The following NMNAT3 variants were observed in gnomAD, a reference collection of about 807,000 sequenced individuals.
NMNAT3 encodes nicotinamide/nicotinic acid mononucleotide adenylyltransferase 3.
A neutral mutation model predicts 24.8 loss-of-function variants in NMNAT3; 21 were observed. The observed-to-expected ratio is 0.85, with a 90% confidence interval of 0.60 to 1.22. NMNAT3 has a LOEUF of 1.22. Ranked by LOEUF, NMNAT3 falls within the 50% of genes most tolerant of loss-of-function variation. The pLI, the probability that NMNAT3 is intolerant of heterozygous loss-of-function variation, is 0.00. For missense variants in NMNAT3, 387 were observed against 436.6 expected (o/e 0.89, Z 1.01); for synonymous variants, 136 against 155.2 (o/e 0.88, Z 0.92).
At chr3:139,595,282 C>G (rs1307884961) in intron 3 of NMNAT3, among the ~76,000 whole-genome samples, 1 of 152,098 alleles carries the variant, frequency 6.6e-6, no homozygotes, top group Non-Finnish European at 1.5e-5. Context: ...TCAAGGAGAA[C>G]TACAAACCAC....
chr3:139,666,026 A>G (rs535215983), intron 1 of NMNAT3, among the ~76,000 whole-genome samples: 5 of 152,286 alleles, frequency 3.3e-5, no homozygotes, highest in African/African-American at 1.2e-4. Context: ...TTACCTATCA[A>G]AAAATTTAAT....
chr3:139,582,489 A>C (rs1426395577), intron 4 of NMNAT3, among the ~76,000 whole-genome samples: 1 of 151,692 alleles, frequency 6.6e-6, no homozygotes, highest in African/African-American at 2.4e-5. Flanking sequence ...TAAAAATACA[A>C]AATTTAGGCA....
intron 3 of NMNAT3, among the ~76,000 whole-genome samples, chr3:139,590,281 T>C (rs1252120123): frequency 1.3e-5 from 2 of 152,200 alleles, no homozygotes; most frequent in Non-Finnish European, 1.5e-5. Flanking sequence ...GGCAGTGGAA[T>C]CATAGTGCAC....
chr3:139,617,012 G>T (rs910961798), intron 3 of NMNAT3, among the ~76,000 whole-genome samples: 6 of 152,148 alleles, frequency 3.9e-5, no homozygotes, highest in African/African-American at 1.2e-4. Context: ...CTTAAGCCAA[G>T]AATGTTCTTT....
chr3:139,624,153 C>A (rs1450843243), intron 3 of NMNAT3, among the ~76,000 whole-genome samples: 1 of 152,136 alleles, frequency 6.6e-6, no homozygotes, highest in Non-Finnish European at 1.5e-5. Flanking sequence ...AAGTTGAAAT[C>A]ATTGATTTGA....
At chr3:139,566,509 G>T (rs1485832181) in intron 6 of NMNAT3, 11 of 152,148 alleles carry the variant, frequency 7.2e-5, no homozygotes, top group Non-Finnish European at 1.2e-4. Flanking sequence ...TAACATTTAA[G>T]TCTTTAATCC....
rs200297242 is a variant in NMNAT3, at chr3:139,561,359, T to C, written c.692A>G (p.Asp231Gly). 9.7e-5 allele frequency: 157 copies of C among 1,613,738 alleles called. No individual in the cohort carries two copies. The highest frequency in any genetic ancestry group is 1.2e-4 in the Non-Finnish European group (147 of 1,179,938). ...GGGGGTCTGGAAGGTCTTCAAGACG[T>C]CTGCCCCACAGAGAAGCTTCAGCTC... Residue 231 changes from aspartate (D) to glycine (G), a missense_variant, in exon 7 of 7, where the codon GAC becomes GGC. Around this residue, in one of 3 missense-constraint regions of NMNAT3, gnomAD observed 323 missense variants for 345.2 expected, o/e 0.94. Coordinates refer to ENST00000643695, the MANE Select transcript of NMNAT3 (RefSeq NM_001320510.2).
At chr3:139,561,426 A>T (rs1336784267) in intron 6 of NMNAT3, 34 bp from the exon 7 acceptor site, 4 of 1,587,878 alleles carry the variant, frequency 2.5e-6, no homozygotes, top group Non-Finnish European at 3.4e-6. Context: ...GTAAAGTTAG[A>T]GAGAGGTCAC....
chr3:139,640,132 T>A lies in NMNAT3; in HGVS notation c.-140-2070A>T, dbSNP rs565811900. On this transcript the variant is annotated intron_variant, in intron 1 of 6. Coordinates refer to ENST00000643695, the MANE Select transcript of NMNAT3 (RefSeq NM_001320510.2). ...AGGACAGGTTTTCTGAAACTGTGCA[T>A]GCATAAGGGTCCTAGGAACATGCTA... is the stretch of plus-strand genomic sequence containing the variant. 2.0e-4 allele frequency among the ~76,000 whole-genome samples: 30 copies of A among 152,296 alleles called. No individual in the cohort carries two copies. In the South Asian group the frequency reaches 3.3e-3, roughly 17 times the overall value.
At chr3:139,564,667 A>G (rs1220197740) in intron 6 of NMNAT3, among the ~76,000 whole-genome samples, 2 of 152,236 alleles carry the variant, frequency 1.3e-5, no homozygotes. Context: ...TGCCGAGCTC[A>G]TCACGTAATT....
At chr3:139,636,437 C>T (rs2056505248) in intron 2 of NMNAT3, 1 of 152,190 alleles carries the variant, frequency 6.6e-6, no homozygotes, top group Non-Finnish European at 1.5e-5. Flanking sequence ...AGCAGCGAAT[C>T]TTTTCTGTAG....
intron 3 of NMNAT3, among the ~76,000 whole-genome samples, chr3:139,615,866 C>A (rs2055475239): frequency 5.3e-5 from 1 of 18,716 alleles, no homozygotes; most frequent in Non-Finnish European, 3.8e-3. Context: ...TTTCTAGCTT[C>A]TTGTGTGGGA....
chr3:139,575,705 G>A, intron 5 of NMNAT3: 1 of 1,041,728 alleles, frequency 9.6e-7, no homozygotes, highest in African/African-American at 1.7e-5. Context: ...GCGCCTCTAT[G>A]GGGCATGACC....
At chr3:139,661,491 A>G (rs1172547415) in intron 1 of NMNAT3, among the ~76,000 whole-genome samples, 1 of 152,182 alleles carries the variant, frequency 6.6e-6, no homozygotes, top group Non-Finnish European at 1.5e-5. Context: ...TAACACAGCA[A>G]GACCTATCTC....
chr3:139,615,508 G>A (rs531360289), intron 3 of NMNAT3, among the ~76,000 whole-genome samples: 3 of 141,160 alleles, frequency 2.1e-5, no homozygotes, highest in Middle Eastern at 3.7e-3. Flanking sequence ...CCCACCCACC[G>A]ACCCACCCAC....
chr3:139,618,929 C>T (rs1248845961), intron 3 of NMNAT3, among the ~76,000 whole-genome samples: 1 of 152,142 alleles, frequency 6.6e-6, no homozygotes, highest in Non-Finnish European at 1.5e-5. Context: ...CTGAGTCCTC[C>T]CCATCTTGTC....
intron 3 of NMNAT3, among the ~76,000 whole-genome samples, chr3:139,601,276 A>G (rs1477880949): frequency 6.6e-6 from 1 of 152,250 alleles, no homozygotes. Flanking sequence ...TTGCAGTAAC[A>G]GGAATTTGAG....
chr3:139,610,874 A>T (rs1455359043), intron 3 of NMNAT3, among the ~76,000 whole-genome samples: 1 of 152,248 alleles, frequency 6.6e-6, no homozygotes, highest in Non-Finnish European at 1.5e-5. Flanking sequence ...TATACATCAC[A>T]TTGGACACTG....
intron 3 of NMNAT3, among the ~76,000 whole-genome samples, chr3:139,597,521 G>T (rs577150657): frequency 2.6e-5 from 4 of 152,036 alleles, no homozygotes; most frequent in African/African-American, 4.8e-5. Flanking sequence ...ACTTTATATG[G>T]GTATTTTGCA....
Sources: gnomAD v4.1 joint callset for allele counts (sites outside exome capture counted in the v4.1 genomes callset) on GRCh38, gnomAD v4.1.1 for gene constraint, gnomAD v4.1.1 regional missense constraint, MANE v1.5 for transcripts, NCBI Gene and HGNC (gene_info 2026-07-23, HGNC 2026-07-21) for gene names.